The following ANO1 variants were observed in gnomAD, a reference collection of about 807,000 sequenced individuals.
ANO1 encodes anoctamin-1.
ANO1 carries 59 observed loss-of-function variants against 124.0 expected under a neutral mutation model. That is an observed-to-expected ratio of 0.48 (90% CI 0.39 to 0.59). The LOEUF (loss-of-function observed/expected upper bound fraction) is 0.59, where lower values mean the gene tolerates loss of function less well. ANO1 is among the 20% of genes least tolerant of loss of function. The pLI, the probability that ANO1 is intolerant of heterozygous loss-of-function variation, is 0.00. For missense variants in ANO1, 1,059 were observed against 1,328.0 expected, an observed-to-expected ratio of 0.80 and a Z score of 3.15; for synonymous variants, 529 against 532.0, an observed-to-expected ratio of 0.99 and a Z score of 0.08.
intron 8 of ANO1, among the ~76,000 whole-genome samples, chr11:70,122,965 CTG>C (rs1315129587): frequency 1.3e-5 from 2 of 152,232 alleles, no homozygotes; most frequent in Admixed American, 1.3e-4. Context: ...CACAGTAAAA[CTG>C]TGGCCTTTTC....
upstream of ANO1, among the ~76,000 whole-genome samples, chr11:70,074,401 A>G (rs1040781253): frequency 1.3e-5 from 2 of 152,132 alleles, no homozygotes; most frequent in African/African-American, 4.8e-5. Context: ...TCTATTTTGT[A>G]AAAAGAAACC....
At chr11:69,981,518 C>T (rs934491712), upstream of ANO1, among the ~76,000 whole-genome samples, 6 of 152,214 alleles carry the variant, frequency 3.9e-5, no homozygotes, top group Admixed American at 1.3e-4. Flanking sequence ...TCCAAGGGCC[C>T]CTCTGCAAGT....
Position 70,153,142 on chromosome 11 carries a change from T to G in ANO1, c.1425+14T>G. The G allele has an allele frequency of 1.3e-6, 2 of 1,591,106 alleles. No homozygotes were observed. Among genetic ancestry groups the G allele is most frequent in the Admixed American group, 3.5e-5 (2 of 57,482 alleles). ...AGAAACAAAGAGGTATGGTGGCCAC[T>G]GTGGGTTAACTTTCCCAGCAATAAA... On this transcript the variant is annotated intron_variant, in intron 14 of 25. Transcript: ENST00000355303.
At chr11:70,075,717 T>A (rs1160108361), upstream of ANO1, among the ~76,000 whole-genome samples, 1 of 152,090 alleles carries the variant, frequency 6.6e-6, no homozygotes, top group African/African-American at 2.4e-5. Context: ...AAAAGAAAAC[T>A]GGGTGCAACA....
upstream of ANO1, among the ~76,000 whole-genome samples, chr11:70,075,897 C>T (rs2044050574): frequency 2.0e-5 from 3 of 152,178 alleles, no homozygotes; most frequent in African/African-American, 7.2e-5. Context: ...TCTCCAGCTA[C>T]AGGAATTCTT....
At chr11:70,021,266 C>T (rs1052426664) in intron 1 of ANO1, among the ~76,000 whole-genome samples, 1 of 152,176 alleles carries the variant, frequency 6.6e-6, no homozygotes, top group Non-Finnish European at 1.5e-5. Flanking sequence ...CCGCTTAAGA[C>T]TAAAGCTCTG....
intron 1 of ANO1, among the ~76,000 whole-genome samples, chr11:70,078,934 C>CTCTG (rs2044117469): frequency 6.6e-6 from 1 of 151,856 alleles, no homozygotes; most frequent in Non-Finnish European, 1.5e-5. Context: ...GTTCCGAGCG[C>CTCTG]GGCGCCCACT....
rs115613821 is a variant in ANO1 at position 70,011,845 on chromosome 11, G to C, written c.58+25679G>C. Among the ~76,000 whole-genome samples the C allele has an allele frequency of 5.6e-3, 852 of 152,304 alleles. 12 individuals carry two copies. The highest frequency in any genetic ancestry group is 0.019 in the African/African-American group (781 of 41,556). On this transcript the variant is annotated intron_variant, in intron 1 of 27. Coordinates refer to the ANO1 transcript ENST00000531349. ...AGCAAAGTCGTTGTAAATAAGAATT[G>C]TTACTTGTGGAAGATCTATTTACTG...
rs1257172990 is a variant in ANO1, at chr11:70,182,532, A to G, written c.2434A>G (p.Ile812Val). Residue 812 changes from isoleucine to valine, a missense_variant, in exon 24 of 26, where the codon ATC becomes GTC. By Grantham distance (29) the Ile-to-Val change is conservative. Transcript: ENST00000355303. ...CGTGATCTCCTTCACGTCTGACTTC[A>G]TCCCGCGCCTGGTGTACCTCTACAT... ...AFVISFTSDF[I>V]PRLVYLYMYS... is the part of the protein sequence containing the mutation. The G allele has an allele frequency of 6.2e-7, 1 of 1,602,366 alleles. No homozygotes were observed. Among genetic ancestry groups the G allele is most frequent in the Non-Finnish European group, 8.5e-7 (1 of 1,174,138 alleles).
intron 1 of ANO1, among the ~76,000 whole-genome samples, chr11:70,041,889 A>G (rs551096912): frequency 6.6e-6 from 1 of 152,194 alleles, no homozygotes; most frequent in African/African-American, 2.4e-5. Flanking sequence ...TATGTCTTTA[A>G]TTTCTATTTT....
chr11:70,002,516 T>G (rs1176724197), intron 1 of ANO1, among the ~76,000 whole-genome samples: 1 of 150,566 alleles, frequency 6.6e-6, no homozygotes, highest in Non-Finnish European at 1.5e-5. Flanking sequence ...CCTACAGTAT[T>G]CAGTGCAGTA....
the ANO1 span, among the ~76,000 whole-genome samples, chr11:69,978,251 G>A: frequency 6.6e-6 from 1 of 152,250 alleles, no homozygotes; most frequent in African/African-American, 2.4e-5. Context: ...GACGAAAACA[G>A]CAAGTGTTTT....
chr11:70,110,826 A>G (rs2045748125), intron 6 of ANO1, among the ~76,000 whole-genome samples: 1 of 152,166 alleles, frequency 6.6e-6, no homozygotes, highest in African/African-American at 2.4e-5. Flanking sequence ...GCAAGATCTG[A>G]TTTCCAGGAA....
intron 1 of ANO1, among the ~76,000 whole-genome samples, chr11:70,036,868 A>G (rs1555004483): frequency 6.6e-6 from 1 of 152,076 alleles, no homozygotes; most frequent in Non-Finnish European, 1.5e-5. Context: ...CAGCCTCCCA[A>G]AGTGTTGGGA....
intron 1 of ANO1, among the ~76,000 whole-genome samples, chr11:70,046,467 T>C (rs1470849261): frequency 6.6e-6 from 1 of 152,174 alleles, no homozygotes; most frequent in Admixed American, 6.5e-5. Flanking sequence ...TAAGAGTATC[T>C]CAAAAGCAGT....
At position 70,111,633 on chromosome 11, in the gene ANO1, G is replaced by C. The variant is rs567365382; in HGVS notation, c.800-74G>C. 1.9e-5 allele frequency: 28 copies of C among 1,459,144 alleles called. No homozygotes were observed. The East Asian group carries it at 5.9e-4, about 31-fold the overall frequency. The allele number at this position is 1,459,144 out of a possible 1,614,324, so 90.4% of individuals were successfully genotyped here. Reference sequence around the variant, plus strand: ...CTCTTAGTGGCTGAGATGGCCCTGTGACCGCTGTGACTTTACAATGGGAAG... The same window carrying C: ...CTCTTAGTGGCTGAGATGGCCCTGTCACCGCTGTGACTTTACAATGGGAAG... On this transcript the variant is annotated intron_variant, in intron 6 of 25. Transcript: ENST00000355303.
rs1369047093 is a variant in ANO1, at chr11:70,078,597, G to A, written c.-10G>A. The A allele has an allele frequency of 2.7e-6, 4 of 1,471,734 alleles. No homozygotes were observed. In the Admixed American group the frequency reaches 8.2e-5, roughly 30 times the overall value. 91.2% of individuals were successfully genotyped at this position (1,471,734 alleles called of 1,614,324 possible). A position where few individuals can be genotyped will look rare whatever the true frequency, so the allele number is the denominator to read the frequency against. On this transcript the variant is annotated 5_prime_UTR_variant, in exon 1 of 26. Coordinates refer to ENST00000355303, the MANE Select transcript of ANO1 (RefSeq NM_018043.7). ...CGCCGCCCGGCGGTCCCAGCGCACA[G>A]GCGGCCACGATGAGGGTCAACGAGA...
intron 10 of ANO1, among the ~76,000 whole-genome samples, chr11:70,127,224 G>A (rs1056680239): frequency 2.6e-5 from 4 of 152,158 alleles, no homozygotes; most frequent in African/African-American, 9.7e-5. Flanking sequence ...GGTGCTCCCG[G>A]GAGGTGAGAT....
At chr11:70,111,226 C>G (rs558104597) in intron 6 of ANO1, 1 of 459,074 alleles carries the variant, frequency 2.2e-6, no homozygotes, top group Non-Finnish European at 4.4e-6. Context: ...TCCCAATCAA[C>G]CTAAAATCTA....
Sources: allele counts gnomAD v4.1 joint callset (sites outside exome capture counted in the v4.1 genomes callset), GRCh38; gene constraint gnomAD v4.1.1; transcripts MANE v1.5; gene names NCBI Gene and HGNC (gene_info 2026-07-23, HGNC 2026-07-21).